Variants in CACNA1H observed in about 807,000 individuals in gnomAD.
CACNA1H encodes the protein voltage-dependent T-type calcium channel subunit alpha-1H.
Under a neutral mutation model 192.5 loss-of-function variants are expected in CACNA1H, and 149 were observed. That is an observed-to-expected ratio of 0.77 (90% CI 0.68 to 0.89). The LOEUF (loss-of-function observed/expected upper bound fraction) is 0.89. CACNA1H is among the 40% of genes least tolerant of loss of function. CACNA1H has a pLI of 0.00. For synonymous variants in CACNA1H, 2,202 were observed against 1,475.2 expected, an observed-to-expected ratio of 1.49 and a Z score of -11.29; for missense variants, 4,257 against 3,423.5, an observed-to-expected ratio of 1.24 and a Z score of -6.08.
Position 1,200,394 on chromosome 16 carries a change from C to G in CACNA1H, c.942C>G (p.Pro314=), listed in dbSNP as rs1384318766. The G allele has an allele frequency of 3.1e-6, 5 of 1,607,204 alleles. No individual in the cohort carries two copies. The African/African-American group carries it at 6.7e-5, about 21-fold the overall frequency. The stretch of plus-strand genomic sequence containing the variant: ...CCGGCCGCCGCGAGCTGCGCATGCC[C>G]TGCACCCTGGGCTGGGAGGCCTACA... ...HIPGRRELRM[P]CTLGWEAYTQ... The change falls in exon 7 of 35, where the codon CCC becomes CCG. Residue 314 remains proline, a synonymous_variant. Transcript: ENST00000348261.
Position 1,210,087 on chromosome 16 carries a change from G to T in CACNA1H, c.3797G>T (p.Cys1266Phe). Reference sequence around the variant, plus strand: ...CTGGAGCCCTACAAGCCCCAGTGGTGCCGGAGCCGCGAGGCCTGGGCCCTC... The same window carrying T: ...CTGGAGCCCTACAAGCCCCAGTGGTTCCGGAGCCGCGAGGCCTGGGCCCTC... ...KVLEPYKPQW[C>F]RSREAWALYL... The change falls in exon 18 of 35, where the codon TGC becomes TTC. Residue 1266 changes from cysteine (C) to phenylalanine (F), a missense_variant. By Grantham distance (205) the Cys-to-Phe change is radical. Transcript: ENST00000348261. The T allele has an allele frequency of 6.4e-7, 1 of 1,559,764 alleles. No individual in the cohort carries two copies. Among genetic ancestry groups the T allele is most frequent in the Non-Finnish European group, 8.7e-7 (1 of 1,152,672 alleles).
In CACNA1H at chr16:1,211,588, C is replaced by T. The variant is rs762019087; in HGVS notation, c.4458C>T (p.Asn1486=). 1 of 1,610,026 alleles carries T rather than the reference C, an allele frequency of 6.2e-7. No individual in the cohort carries two copies. The highest frequency in any genetic ancestry group is 1.7e-5 in the Admixed American group (1 of 59,704). ...AHYRWVRRKY[N]FDNLGQALMS... ...ACCGCTGGGTGCGACGCAAGTACAA[C>T]TTCGACAACCTGGGCCAGGTGGGCT... is the stretch of plus-strand genomic sequence containing the variant. Residue 1486 remains asparagine, a synonymous_variant, in exon 23 of 35, where the codon AAC becomes AAT. Coordinates refer to ENST00000348261, the MANE Select transcript of CACNA1H (RefSeq NM_021098.3).
chr16:1,199,588 G>A (rs888324325), intron 6 of CACNA1H, among the ~76,000 whole-genome samples: 6 of 145,320 alleles, frequency 4.1e-5, no homozygotes, highest in Admixed American at 2.1e-4. Context: ...CCCAGAGTCC[G>A]TCACACCTTA....
At chr16:1,219,826 C>T (rs1033247636) in intron 34 of CACNA1H, among the ~76,000 whole-genome samples, 155 bp from the exon 35 acceptor site, 2 of 152,188 alleles carry the variant, frequency 1.3e-5, no homozygotes, top group African/African-American at 2.4e-5. Flanking sequence ...TCCACACCAG[C>T]GGCTTCCAGC....
At chr16:1,190,426 C>G (rs1457365097) in intron 2 of CACNA1H, among the ~76,000 whole-genome samples, 1 of 152,258 alleles carries the variant, frequency 6.6e-6, no homozygotes, top group Non-Finnish European at 1.5e-5. Context: ...GAGGGCCAGC[C>G]TGCTCAGCCC....
intron 2 of CACNA1H, among the ~76,000 whole-genome samples, chr16:1,184,335 C>T (rs1283265014): frequency 6.6e-6 from 1 of 152,268 alleles, no homozygotes; most frequent in East Asian, 1.9e-4. Flanking sequence ...ACTGTGGAGG[C>T]CGGCAAGCGT....
In CACNA1H at chr16:1,212,148, TC is replaced by T. The variant is rs1221758244; in HGVS notation, c.4759+13del. 12 of 1,599,048 alleles carry T rather than the reference TC, an allele frequency of 7.5e-6. No homozygotes were observed. The highest frequency in any genetic ancestry group is 1.0e-5 in the Non-Finnish European group (12 of 1,177,628). Reference sequence around the variant, plus strand: ...GAGAGGAGGCGCAGGAGTAAGGCGCTCCCGGTGGCGGTGGCGGTGGCGGGTC... The same window carrying T: ...GAGAGGAGGCGCAGGAGTAAGGCGCTCCGGTGGCGGTGGCGGTGGCGGGTC... On this transcript the variant is annotated intron_variant, in intron 25 of 34. Coordinates refer to ENST00000348261, the MANE Select transcript of CACNA1H (RefSeq NM_021098.3).
rs1421205215 is a variant in CACNA1H, at chr16:1,199,442, G to T, written c.803+668G>T. Among the ~76,000 whole-genome samples the T allele has an allele frequency of 5.3e-5, 3 of 56,670 alleles. 1 individual carries two copies. Among genetic ancestry groups the T allele is most frequent in the African/African-American group, 1.8e-4 (2 of 11,366 alleles). 37.2% of individuals were successfully genotyped at this position (56,670 alleles called of 152,430 possible). The stretch of plus-strand genomic sequence containing the variant: ...CCCATCATGGCTCCGCCCACCGTGC[G>T]GTCGCTGCATATATGCCCCACCCCC... On this transcript the variant is annotated intron_variant, in intron 6 of 34. Coordinates refer to ENST00000348261, the MANE Select transcript of CACNA1H (RefSeq NM_021098.3).
chr16:1,211,218 C>T lies in CACNA1H; in HGVS notation c.4274C>T (p.Ser1425Leu), dbSNP rs758611364. ...AAGCTGGTGGTGGAGACGCTGATAT[C>T]ATCACTCAGGCCCATTGGGAACATC... ...GLKLVVETLI[S>L]SLRPIGNIVL... is the part of the protein sequence containing the mutation. Residue 1425 changes from serine to leucine, a missense_variant, in exon 22 of 35, where the codon TCA (serine) becomes TTA (leucine). Ser to Leu is a moderately radical substitution (Grantham distance 145, BLOSUM62 -2). Coordinates refer to ENST00000348261, the MANE Select transcript of CACNA1H (RefSeq NM_021098.3). 11 of 1,612,904 alleles carry T rather than the reference C, an allele frequency of 6.8e-6. No individual in the cohort carries two copies. Among genetic ancestry groups the T allele is most frequent in the African/African-American group, 2.7e-5 (2 of 74,944 alleles).
intron 2 of CACNA1H, among the ~76,000 whole-genome samples, chr16:1,190,622 G>A (rs968278424): frequency 6.6e-5 from 10 of 152,258 alleles, no homozygotes; most frequent in Admixed American, 1.3e-4. Context: ...TGCCTGTCAC[G>A]TCCTCTGTCG....
Position 1,212,067 on chromosome 16 carries a change from A to C in CACNA1H, c.4688A>C (p.Gln1563Pro). Residue 1563 changes from glutamine (Q) to proline (P), a missense_variant, in exon 25 of 35, where the codon CAG becomes CCG. Transcript: ENST00000348261. ...GTCGAGAACTTCCACAAGTGCCGGC[A>C]GCACCAGGAGGCGGAGGAGGCGCGG... ...VVVENFHKCR[Q>P]HQEAEEARRR... The C allele has an allele frequency of 6.2e-7, 1 of 1,613,046 alleles. No homozygotes were observed. Among genetic ancestry groups the C allele is most frequent in the Non-Finnish European group, 8.5e-7 (1 of 1,179,638 alleles).
In CACNA1H at chr16:1,220,733, C is replaced by G; in HGVS notation, c.6801C>G (p.Ala2267=). ...AGCACCTGACCGTCCCCAGCTTTGC[C>G]TTTGAGCCGCTGGACCTCGGGGTCC... ...RAEHLTVPSF[A]FEPLDLGVPS... is the part of the protein sequence containing the mutation. The change falls in exon 35 of 35, where the codon GCC becomes GCG. Residue 2267 remains alanine (A), a synonymous_variant. Transcript: ENST00000348261. 1 of 1,612,394 alleles carries G rather than the reference C, an allele frequency of 6.2e-7. No homozygotes were observed. The highest frequency in any genetic ancestry group is 8.5e-7 in the Non-Finnish European group (1 of 1,179,702).
intron 30 of CACNA1H, 124 bp from the exon 31 acceptor site, chr16:1,216,808 C>A (rs1481622496): frequency 1.2e-5 from 10 of 813,678 alleles, no homozygotes; most frequent in Non-Finnish European, 2.1e-5. Flanking sequence ...CTTGGCCGGG[C>A]CCGGAGCACC....
intron 29 of CACNA1H, 21 bp downstream of exon 29, chr16:1,215,396 C>T (rs1461174414): frequency 9.4e-6 from 15 of 1,591,966 alleles, no homozygotes; most frequent in Non-Finnish European, 1.3e-5. Context: ...GCGTGCCCGC[C>T]AGGTTCTCTC....
Position 1,177,509 on chromosome 16 carries a change from G to A in CACNA1H, c.300-17463G>A, listed in dbSNP as rs77699538. ...TAGGTTTGAGGGCTGAATTCTGACC[G>A]GGGCAGAGAGTGGAACGAGCTCCAA... On this transcript the variant is annotated intron_variant, in intron 2 of 34. Coordinates refer to ENST00000348261, the MANE Select transcript of CACNA1H (RefSeq NM_021098.3). Among the ~76,000 whole-genome samples the A allele has an allele frequency of 3.2e-3, 495 of 152,330 alleles. 4 individuals are homozygous for A. The highest frequency in any genetic ancestry group is 0.011 in the African/African-American group (467 of 41,572).
chr16:1,218,264 G>T lies in CACNA1H; in HGVS notation c.5500G>T (p.Ala1834Ser). ...EDKHCLSYLP[A>S]LSPVYFVTFV... ...CAAGCACTGCCTGAGCTACCTGCCG[G>T]CCCTGTCGCCCGTCTACTTCGTGAC... is the stretch of plus-strand genomic sequence containing the variant. Residue 1834 changes from alanine to serine, a missense_variant, in exon 33 of 35, where the codon GCC becomes TCC. Coordinates refer to ENST00000348261, the MANE Select transcript of CACNA1H (RefSeq NM_021098.3). 6.4e-7 allele frequency: 1 copy of T among 1,551,390 alleles called. No individual in the cohort carries two copies.
rs963422982 is a variant in CACNA1H, at chr16:1,207,492, G to C, written c.3063+62G>C. The C allele has an allele frequency of 3.2e-6, 5 of 1,549,706 alleles. No homozygotes were observed. In the Admixed American group the frequency reaches 7.1e-5, roughly 22 times the overall value. The stretch of plus-strand genomic sequence containing the variant: ...CGATGAGAAGAGAGACGGGCTTCAG[G>C]TCGAGGGGAGGGGTGTGGGGGGCCT... On this transcript the variant is annotated intron_variant, in intron 14 of 34. Transcript: ENST00000348261.
Position 1,205,200 on chromosome 16 carries a change from C to A in CACNA1H, c.2538C>A (p.Ala846=), listed in dbSNP as rs748509684. The A allele has an allele frequency of 2.5e-6, 4 of 1,613,046 alleles. No homozygotes were observed. Among genetic ancestry groups the A allele is most frequent in the Non-Finnish European group, 3.4e-6 (4 of 1,179,772 alleles). The part of the protein sequence containing the change: ...FALEMLLKLL[A]CGPLGYIRNP... ...TGGAGATGCTGCTGAAGCTGCTGGC[C>A]TGCGGCCCTCTGGGCTACATCCGGA... Residue 846 remains alanine, a synonymous_variant, in exon 11 of 35, where the codon GCC becomes GCA. Coordinates refer to ENST00000348261, the MANE Select transcript of CACNA1H (RefSeq NM_021098.3).
Position 1,167,020 on chromosome 16 carries a change from C to A in CACNA1H, c.299+12984C>A, listed in dbSNP as rs977834910. ...GGCTGTTTTCCAAAGCGGTGCCCAC[C>A]TGTTGACCCACCTCTCGCCCCCAGC... On this transcript the variant is annotated intron_variant, in intron 2 of 34. Transcript: ENST00000348261. This position sits in a 1 kb window ranked among gnomAD's most constrained non-coding sequence, Gnocchi z 4.2. 2.0e-5 allele frequency among the ~76,000 whole-genome samples: 3 copies of A among 152,226 alleles called. No individual in the cohort carries two copies. Among genetic ancestry groups the A allele is most frequent in the Non-Finnish European group, 4.4e-5 (3 of 68,036 alleles).
Sources: allele counts gnomAD v4.1 joint callset (sites outside exome capture counted in the v4.1 genomes callset), GRCh38; gene constraint gnomAD v4.1.1; non-coding constraint Gnocchi (gnomAD v3.1); transcripts MANE v1.5; gene names NCBI Gene and HGNC (gene_info 2026-07-23, HGNC 2026-07-21).